Variants in NBPF8 observed in about 807,000 individuals in gnomAD.
NBPF8 encodes the protein NBPF family member NBPF8.
chr1:120,430,800 G>C (rs1248628701), intron 3 of NBPF8, among the ~76,000 whole-genome samples: 1 of 148,190 alleles, frequency 6.7e-6, no homozygotes, highest in Non-Finnish European at 1.5e-5. Context: ...TTTATGTAAG[G>C]CCAGTACACC....
upstream of NBPF8, among the ~76,000 whole-genome samples, chr1:120,419,491 T>G (rs1309203602): frequency 6.6e-6 from 1 of 150,926 alleles, no homozygotes; most frequent in East Asian, 2.0e-4. Flanking sequence ...GGACTCTTTA[T>G]TTTTTTTTCC....
chr1:120,422,628 C>T (rs1393793738), intron 1 of NBPF8, among the ~76,000 whole-genome samples: 2 of 145,422 alleles, frequency 1.4e-5, no homozygotes, highest in African/African-American at 2.7e-5. Flanking sequence ...TTTATTCATT[C>T]ACTTGGTGAA....
At chr1:120,415,133 C>A (rs1182370833), upstream of NBPF8, among the ~76,000 whole-genome samples, 2 of 152,146 alleles carry the variant, frequency 1.3e-5, no homozygotes, top group Non-Finnish European at 2.9e-5. Flanking sequence ...CGCGAGGCTG[C>A]GTGAGCATCT....
downstream of NBPF8, among the ~76,000 whole-genome samples, chr1:120,468,321 G>T (rs1436059557): frequency 0.039 from 5,570 of 142,536 alleles, no homozygotes; most frequent in African/African-American, 0.15. Flanking sequence ...GAATGTCACA[G>T]TCATCACTTG....
At chr1:120,461,016 CTGTGTGTGTGTGTGTGTGTGTGTGTG>C (rs202089337) in intron 18 of NBPF8, among the ~76,000 whole-genome samples, 58 of 131,310 alleles carry the variant, frequency 4.4e-4, no homozygotes, top group African/African-American at 1.6e-3. Context: ...TGAGCTCGAA[CTGTGTGTGTGTGTGTGTGTGTGTGTG>C]TGTGTGTGTG....
At chr1:120,419,301 G>A (rs1188957048), upstream of NBPF8, among the ~76,000 whole-genome samples, 9 of 152,306 alleles carry the variant, frequency 5.9e-5, no homozygotes, top group Middle Eastern at 3.4e-3. Flanking sequence ...CAGCGAGACA[G>A]CCTGTAGAAT....
downstream of NBPF8, among the ~76,000 whole-genome samples, chr1:120,469,058 C>T (rs1235639268): frequency 6.7e-6 from 1 of 149,386 alleles, no homozygotes; most frequent in Non-Finnish European, 1.5e-5. Flanking sequence ...CTCCTATCCT[C>T]CTACTTCAAA....
At position 120,462,337 on chromosome 1, in the gene NBPF8, T is replaced by G. The variant is rs1557938122; in HGVS notation, n.3061+140T>G. 25 of 689,554 alleles carry G rather than the reference T, an allele frequency of 3.6e-5. 1 individual carries two copies. The highest frequency in any genetic ancestry group is 3.1e-5 in the Non-Finnish European group (12 of 384,164). 42.7% of individuals were successfully genotyped at this position (689,554 alleles called of 1,614,324 possible). On this transcript the variant is annotated intron_variant and non_coding_transcript_variant, in intron 20 of 24. Transcript: ENST00000583271. ...TCCTGACATTGCTGTTGGTTTTCATTGCAGAAGATGTTTAGGTTTCCATTT... is the reference window on the plus strand; with the variant it reads ...TCCTGACATTGCTGTTGGTTTTCATGGCAGAAGATGTTTAGGTTTCCATTT...
At chr1:120,415,822 G>T (rs10907358), upstream of NBPF8, among the ~76,000 whole-genome samples, 1 of 151,862 alleles carries the variant, frequency 6.6e-6, no homozygotes, top group Non-Finnish European at 1.5e-5. Flanking sequence ...CAGGATTTCC[G>T]GTAGGTTGGA....
intron 1 of NBPF8, among the ~76,000 whole-genome samples, chr1:120,422,550 C>A (rs1172227541): frequency 1.6e-5 from 2 of 122,944 alleles, no homozygotes; most frequent in African/African-American, 7.6e-5. Flanking sequence ...CACGTCTTTT[C>A]ATGACTTGAC....
At position 120,427,832 on chromosome 1, in the gene NBPF8, G is replaced by A. The variant is rs1255036282; in HGVS notation, n.495G>A. 2.1e-5 allele frequency among the ~76,000 whole-genome samples: 3 copies of A among 145,360 alleles called. No individual in the cohort carries two copies. Among genetic ancestry groups the A allele is most frequent in the Non-Finnish European group, 4.5e-5 (3 of 66,592 alleles). On this transcript the variant is annotated non_coding_transcript_exon_variant, in exon 3 of 29. The change abolishes the stop of an existing upstream ORF in the 5' untranslated region. Coordinates refer to the NBPF8 transcript ENST00000652355. ...GCAGCCGCCAGTTGGGATCAAATGTGAGCCTATGGATCAAGGTGCGTACTC... is the reference window on the plus strand; with the variant it reads ...GCAGCCGCCAGTTGGGATCAAATGTAAGCCTATGGATCAAGGTGCGTACTC...
At chr1:120,450,212 G>A (rs1661225321) in intron 11 of NBPF8, among the ~76,000 whole-genome samples, 1 of 152,030 alleles carries the variant, frequency 6.6e-6, no homozygotes, top group African/African-American at 2.4e-5. Flanking sequence ...GGGCGACAGG[G>A]CAAGACTGTT....
upstream of NBPF8, among the ~76,000 whole-genome samples, chr1:120,435,586 G>C: frequency 1.4e-5 from 2 of 146,118 alleles, no homozygotes; most frequent in African/African-American, 2.6e-5. Flanking sequence ...GCTCACGCCT[G>C]TAATCCCAGT....
At chr1:120,469,047 C>A (rs1212220065), downstream of NBPF8, among the ~76,000 whole-genome samples, 6 of 149,982 alleles carry the variant, frequency 4.0e-5, no homozygotes, top group Non-Finnish European at 8.9e-5. Context: ...GGACTTGCTC[C>A]CTCCTATCCT....
intron 18 of NBPF8, among the ~76,000 whole-genome samples, chr1:120,461,020 G>C (rs1661572871): frequency 4.0e-5 from 2 of 50,542 alleles, no homozygotes. Flanking sequence ...CTCGAACTGT[G>C]TGTGTGTGTG....
At chr1:120,462,289 T>A (rs1352042885) in intron 20 of NBPF8, 92 bp downstream of exon 18, 1 of 670,934 alleles carries the variant, frequency 1.5e-6, no homozygotes, top group African/African-American at 2.1e-5. Flanking sequence ...ATTTCATGTT[T>A]TCAACGAAGG....
chr1:120,435,862 T>C (rs1661059254), upstream of NBPF8, among the ~76,000 whole-genome samples: 1 of 150,072 alleles, frequency 6.7e-6, no homozygotes, highest in African/African-American at 2.5e-5. Context: ...TGAGACTCTG[T>C]CTCAAAAAAA....
chr1:120,415,864 T>A (rs1404445290), upstream of NBPF8, among the ~76,000 whole-genome samples: 3 of 152,198 alleles, frequency 2.0e-5, no homozygotes, highest in Non-Finnish European at 4.4e-5. Flanking sequence ...TCCAAAGAGT[T>A]GGCGTGATTT....
chr1:120,430,388 A>G (rs1281364657), intron 3 of NBPF8, among the ~76,000 whole-genome samples: 2 of 133,470 alleles, frequency 1.5e-5, no homozygotes, highest in Admixed American at 7.4e-5. Flanking sequence ...TATATTAGCA[A>G]TGAGCATTTG....
Sources: gnomAD v4.1 joint callset for allele counts (sites outside exome capture counted in the v4.1 genomes callset) on GRCh38, gnomAD v4.1.1 for gene constraint, MANE v1.5 for transcripts, NCBI Gene and HGNC (gene_info 2026-07-23, HGNC 2026-07-21) for gene names.